Variants in DNAH5 observed in about 807,000 individuals in gnomAD.
DNAH5 encodes axonemal beta dynein heavy chain 5.
A neutral mutation model predicts 518.2 loss-of-function variants in DNAH5; 372 were observed. That is an observed-to-expected ratio of 0.72 (90% confidence interval 0.66 to 0.78). The LOEUF (loss-of-function observed/expected upper bound fraction) is 0.78. Among genes scored for constraint, DNAH5 ranks in the 30% least tolerant of loss-of-function variants. DNAH5 has a pLI of 0.00. For synonymous variants in DNAH5, 2,039 were observed against 2,025.9 expected (o/e 1.01, Z -0.17); for missense variants, 5,523 against 5,687.0 (o/e 0.97, Z 0.93).
chr5:13,830,526 G>C, intron 36 of DNAH5, 71 bp downstream of exon 36: 2 of 1,569,156 alleles, frequency 1.3e-6, no homozygotes, highest in Non-Finnish European at 1.8e-6. Context: ...GCCAATTGTT[G>C]AAAACAAATT....
Position 13,870,874 on chromosome 5 carries a change from GT to G in DNAH5, c.3726del (p.Lys1242AsnfsTer2). 6.2e-7 allele frequency: 1 copy of G among 1,613,802 alleles called. No individual in the cohort carries two copies. The highest frequency in any genetic ancestry group is 8.5e-7 in the Non-Finnish European group (1 of 1,179,822). ...TCTAGGTCCTTAATTGGACGATTTA[GT>G]TTCTTATTGAATTCTTCAATAAGCA... The part of the protein sequence containing the change: ...IFMLIEEFNK[K>X]LNRPIKDLDD... On this transcript the variant is annotated frameshift_variant, in exon 24 of 79. Transcript: ENST00000265104. LOFTEE classifies it high-confidence loss of function.
At chr5:13,952,530 C>T (rs1490575322) in intron 1 of DNAH5, among the ~76,000 whole-genome samples, 1 of 152,146 alleles carries the variant, frequency 6.6e-6, no homozygotes, top group African/African-American at 2.4e-5. Context: ...GACTCCCAAC[C>T]TCCACCAATA....
intron 78 of DNAH5, among the ~76,000 whole-genome samples, chr5:13,694,114 C>G (rs1398487498): frequency 6.6e-6 from 1 of 152,194 alleles, no homozygotes; most frequent in East Asian, 1.9e-4. Flanking sequence ...GCCTTTGGTG[C>G]CTTACATCTG....
At chr5:13,953,360 G>A (rs556770038) in intron 1 of DNAH5, among the ~76,000 whole-genome samples, 2 of 152,260 alleles carry the variant, frequency 1.3e-5, no homozygotes, top group African/African-American at 4.8e-5. Flanking sequence ...CAAAAGAATT[G>A]TCAGCTTCCT....
At chr5:13,978,124 G>T (rs957239389) in intron 1 of DNAH5, among the ~76,000 whole-genome samples, 2 of 152,202 alleles carry the variant, frequency 1.3e-5, no homozygotes, top group East Asian at 1.9e-4. Flanking sequence ...GACACACTGT[G>T]GCTTCAAGCT....
chr5:13,793,418 T>C (rs1757311026), intron 49 of DNAH5, 97 bp downstream of exon 49: 5 of 985,620 alleles, frequency 5.1e-6, no homozygotes, highest in South Asian at 3.9e-5. Flanking sequence ...AGCCACCCAG[T>C]GCTCTTTCTG....
chr5:13,746,705 A>C (rs990321343), intron 65 of DNAH5, among the ~76,000 whole-genome samples: 6 of 152,130 alleles, frequency 3.9e-5, no homozygotes, highest in African/African-American at 7.2e-5. Flanking sequence ...AGTTTCTCCC[A>C]AGTGAGAGAA....
chr5:13,701,981 G>A (rs1445755129), intron 76 of DNAH5, among the ~76,000 whole-genome samples: 1 of 152,172 alleles, frequency 6.6e-6, no homozygotes, highest in Non-Finnish European at 1.5e-5. Flanking sequence ...TTATTTTCCA[G>A]AATGTTTATC....
Position 13,859,502 on chromosome 5 carries a change from A to G in DNAH5, c.4900T>C (p.Tyr1634His), listed in dbSNP as rs1230672757. ...CCTCCCACAAAGACAGCTTCTAAAT[A>G]AATCCACAGGTTTTGCACCGTCATC... is the stretch of plus-strand genomic sequence containing the variant. Reference protein sequence around the residue: ...SWMTVQNLWIYLEAVFVGGDI... With the variant: ...SWMTVQNLWIHLEAVFVGGDI... The change falls in exon 30 of 79, where the codon TAT becomes CAT. Residue 1634 changes from tyrosine (Y) to histidine (H), a missense_variant. Transcript: ENST00000265104. 1.2e-6 allele frequency: 2 copies of G among 1,614,100 alleles called. No individual in the cohort carries two copies. Among genetic ancestry groups the G allele is most frequent in the Non-Finnish European group, 1.7e-6 (2 of 1,179,960 alleles).
At position 13,750,398 on chromosome 5, in the gene DNAH5, GA is replaced by G. The variant is rs566998003; in HGVS notation, c.11211+679del. ...CCCTAAAGAAAATGCTCACTCGAAAGAAGGAAGTTTACAAATGTGTGCCCAT... is the reference window on the plus strand; with the variant it reads ...CCCTAAAGAAAATGCTCACTCGAAAGAGGAAGTTTACAAATGTGTGCCCAT... On this transcript the variant is annotated intron_variant, in intron 65 of 78. Coordinates refer to ENST00000265104, the MANE Select transcript of DNAH5 (RefSeq NM_001369.3). 5.3e-5 allele frequency among the ~76,000 whole-genome samples: 8 copies of G among 152,312 alleles called. No individual in the cohort carries two copies. The South Asian group carries it at 1.7e-3, about 32-fold the overall frequency.
chr5:13,773,554 C>T (rs80123381), intron 55 of DNAH5, among the ~76,000 whole-genome samples: 2,524 of 152,264 alleles, frequency 0.017, 79 homozygotes, highest in African/African-American at 0.058. Flanking sequence ...CTGATCCATT[C>T]ATTCAACGTC....
chr5:13,914,710 G>T (rs13180613), intron 9 of DNAH5, 68 bp from the exon 10 acceptor site: 2 of 1,506,402 alleles, frequency 1.3e-6, no homozygotes, highest in Admixed American at 1.7e-5. Flanking sequence ...GGACTAGAAG[G>T]TCCTTAACTC....
At chr5:13,906,101 G>C (rs891094200) in intron 12 of DNAH5, among the ~76,000 whole-genome samples, 3 of 152,186 alleles carry the variant, frequency 2.0e-5, no homozygotes, top group Non-Finnish European at 2.9e-5. Flanking sequence ...AGTAGTTACC[G>C]GGAGAGGGAA....
At chr5:13,807,782 A>C (rs1166875325) in intron 46 of DNAH5, 57 bp from the exon 47 acceptor site, 3 of 1,467,862 alleles carry the variant, frequency 2.0e-6, no homozygotes, top group Non-Finnish European at 2.8e-6. Context: ...TGATGGGCTG[A>C]ATTTGTCCCC....
At chr5:13,732,123 A>G (rs1746659423) in intron 68 of DNAH5, among the ~76,000 whole-genome samples, 1 of 24,910 alleles carries the variant, frequency 4.0e-5, no homozygotes, top group Non-Finnish European at 7.5e-5. Context: ...CTGTCTTCAA[A>G]AAAAAAAAAA....
chr5:13,772,688 G>A (rs943732865), intron 55 of DNAH5, among the ~76,000 whole-genome samples: 7 of 151,976 alleles, frequency 4.6e-5, no homozygotes, highest in Non-Finnish European at 1.0e-4. Flanking sequence ...TTTTTCCAAA[G>A]GTATTTAGAA....
At chr5:13,837,867 AT>A (rs1186547549) in intron 35 of DNAH5, among the ~76,000 whole-genome samples, 1 of 151,796 alleles carries the variant, frequency 6.6e-6, no homozygotes, top group African/African-American at 2.4e-5. Flanking sequence ...TGCCTGGCTA[AT>A]TTTTTGTATT....
intron 47 of DNAH5, among the ~76,000 whole-genome samples, chr5:13,796,304 T>C (rs903445401): frequency 7.2e-5 from 11 of 152,294 alleles, no homozygotes; most frequent in South Asian, 4.1e-4. Context: ...GAAAACACCA[T>C]TGTCTCAGCC....
chr5:13,705,240 T>G (rs935086570), intron 76 of DNAH5, among the ~76,000 whole-genome samples: 4 of 152,140 alleles, frequency 2.6e-5, no homozygotes, highest in Non-Finnish European at 5.9e-5. Context: ...GTGATCCGCC[T>G]GCCTTGGCCT....
Sources: gnomAD v4.1 joint callset for allele counts (sites outside exome capture counted in the v4.1 genomes callset) on GRCh38, gnomAD v4.1.1 for gene constraint, MANE v1.5 for transcripts, NCBI Gene and HGNC (gene_info 2026-07-23, HGNC 2026-07-21) for gene names.